Variants in RAPGEF6 observed in about 807,000 individuals in gnomAD.
RAPGEF6 encodes the protein PDZ domain containing guanine nucleotide exchange factor (GEF) 2.
A neutral mutation model predicts 171.4 loss-of-function variants in RAPGEF6; 56 were observed. The ratio of observed to expected loss-of-function variants is 0.33; its 90% CI spans 0.26 to 0.41. The LOEUF (loss-of-function observed/expected upper bound fraction) is 0.41, where lower values mean the gene tolerates loss of function less well. Ranked by LOEUF, RAPGEF6 falls within the 10% of genes least tolerant of loss-of-function variation. The pLI is 1.00. For missense variants in RAPGEF6, 1,674 were observed against 1,921.4 expected, an observed-to-expected ratio of 0.87 and a Z score of 2.41; for synonymous variants, 692 against 650.1, an observed-to-expected ratio of 1.06 and a Z score of -0.98.
Position 131,446,595 on chromosome 5 carries a change from C to T in RAPGEF6, c.3309G>A (p.Glu1103=), listed in dbSNP as rs760109821. The change falls in exon 22 of 28, where the codon GAG becomes GAA. Residue 1103 remains glutamate, a synonymous_variant. Coordinates refer to ENST00000509018, the MANE Select transcript of RAPGEF6 (RefSeq NM_016340.6). ...TCACCTTCCTTGCCATTTGGGCATC[C>T]TCATATAGCTTCTTGGCATTAAGCA... The part of the protein sequence containing the change: ...SSLLNAKKLY[E]DAQMARKVKQ... The T allele has an allele frequency of 6.2e-7, 1 of 1,614,204 alleles. No individual in the cohort carries two copies. Among genetic ancestry groups the T allele is most frequent in the South Asian group, 1.1e-5 (1 of 91,086 alleles).
chr5:131,436,479 T>C (rs1193299599), intron 24 of RAPGEF6: 2 of 1,137,010 alleles, frequency 1.8e-6, no homozygotes, highest in Non-Finnish European at 2.4e-6. Flanking sequence ...CTTGATAATA[T>C]CTGAAAAATT....
At chr5:131,555,246 C>T (rs1240884949) in intron 5 of RAPGEF6, among the ~76,000 whole-genome samples, 1 of 152,124 alleles carries the variant, frequency 6.6e-6, no homozygotes, top group East Asian at 1.9e-4. Flanking sequence ...GGTTTGTTAT[C>T]CTTTTAGAGG....
At chr5:131,432,723 A>G (rs1267361380) in intron 25 of RAPGEF6, among the ~76,000 whole-genome samples, 1 of 152,120 alleles carries the variant, frequency 6.6e-6, no homozygotes, top group Non-Finnish European at 1.5e-5. Context: ...ATAGCAGAGT[A>G]GTTGTGACAG....
intron 1 of RAPGEF6, among the ~76,000 whole-genome samples, chr5:131,610,534 T>C (rs4706028): frequency 0.76 from 115,366 of 152,096 alleles, 44,010 homozygotes; most frequent in Middle Eastern, 0.81. Context: ...TGTAAACGGA[T>C]ATATATCCCA....
At chr5:131,466,995 T>C (rs1229205316) in intron 17 of RAPGEF6, among the ~76,000 whole-genome samples, 1 of 152,230 alleles carries the variant, frequency 6.6e-6, no homozygotes, top group Admixed American at 6.5e-5. Context: ...GGCTCCAGAA[T>C]TGAATCATTT....
At chr5:131,499,024 G>C (rs1339754459) in intron 11 of RAPGEF6, among the ~76,000 whole-genome samples, 1 of 151,898 alleles carries the variant, frequency 6.6e-6, no homozygotes, top group Non-Finnish European at 1.5e-5. Flanking sequence ...GGAATGAAAG[G>C]GAAGAAAGAA....
intron 17 of RAPGEF6, among the ~76,000 whole-genome samples, chr5:131,466,791 C>T (rs938339659): frequency 4.6e-5 from 7 of 152,132 alleles, no homozygotes; most frequent in East Asian, 1.9e-4. Flanking sequence ...AGCATGAAAA[C>T]GGACTAATAT....
At chr5:131,536,683 G>A (rs1470274342) in intron 6 of RAPGEF6, among the ~76,000 whole-genome samples, 11 of 152,110 alleles carry the variant, frequency 7.2e-5, no homozygotes, top group Admixed American at 7.2e-4. Flanking sequence ...ATTAGAATCA[G>A]TGAAATTGAA....
rs549773305 is a variant in RAPGEF6 at position 131,454,348 on chromosome 5, G to A, written c.3077-1171C>T. ...GGAGATATGGAACATCATTCAAAAAGCGAGATTATTTCTGTAATCTCACTT... is the reference window on the plus strand; with the variant it reads ...GGAGATATGGAACATCATTCAAAAAACGAGATTATTTCTGTAATCTCACTT... On this transcript the variant is annotated intron_variant, in intron 20 of 27. Transcript: ENST00000509018. Among the ~76,000 whole-genome samples, 51 of 152,258 alleles carry A rather than the reference G, an allele frequency of 3.3e-4. No homozygotes were observed. The South Asian group carries it at 0.01, about 30-fold the overall frequency.
chr5:131,603,928 G>A (rs532717172), intron 2 of RAPGEF6, among the ~76,000 whole-genome samples: 101 of 152,110 alleles, frequency 6.6e-4, no homozygotes, highest in Admixed American at 2.7e-3. Flanking sequence ...TAAGCTGTTC[G>A]TGGTGGGAAC....
intron 1 of RAPGEF6, among the ~76,000 whole-genome samples, chr5:131,627,928 G>A (rs576076177): frequency 6.6e-6 from 1 of 152,150 alleles, no homozygotes; most frequent in South Asian, 2.1e-4. Flanking sequence ...AATTGTTTTG[G>A]GGCACCACAA....
chr5:131,521,891 A>ACACACACACT (rs1250904540), intron 6 of RAPGEF6, among the ~76,000 whole-genome samples: 33 of 123,650 alleles, frequency 2.7e-4, no homozygotes, highest in African/African-American at 8.6e-4. Flanking sequence ...ACACACACAC[A>ACACACACACT]CTCTCTCTCT....
chr5:131,577,342 T>C (rs1445732992), intron 4 of RAPGEF6, among the ~76,000 whole-genome samples: 1 of 152,158 alleles, frequency 6.6e-6, no homozygotes, highest in Non-Finnish European at 1.5e-5. Context: ...AGCCTCCAAA[T>C]TAAAAAAGAC....
At chr5:131,471,602 A>G (rs1051239773) in intron 17 of RAPGEF6, among the ~76,000 whole-genome samples, 4 of 152,128 alleles carry the variant, frequency 2.6e-5, no homozygotes, top group Non-Finnish European at 4.4e-5. Context: ...GCTTAATTGT[A>G]TATGCCTTTT....
intron 21 of RAPGEF6, among the ~76,000 whole-genome samples, chr5:131,449,810 G>A (rs1043378686): frequency 6.6e-6 from 1 of 152,030 alleles, no homozygotes; most frequent in Non-Finnish European, 1.5e-5. Flanking sequence ...ATCTAAAAAG[G>A]ACTTATAGGG....
At chr5:131,439,452 G>C (rs1752237535) in intron 24 of RAPGEF6, 129 bp downstream of exon 24, 1 of 1,404,760 alleles carries the variant, frequency 7.1e-7, no homozygotes, top group Admixed American at 2.9e-5. Flanking sequence ...AAACATCAAA[G>C]TTCAAAAAGC....
chr5:131,542,641 C>T (rs1760231097), intron 6 of RAPGEF6, among the ~76,000 whole-genome samples: 2 of 152,120 alleles, frequency 1.3e-5, no homozygotes, highest in Admixed American at 6.5e-5. Flanking sequence ...TGCTTACAGG[C>T]ACATAAACAA....
At chr5:131,606,042 AAAAAAAAAAAAG>A (rs1561601185) in intron 1 of RAPGEF6, among the ~76,000 whole-genome samples, 7 of 147,214 alleles carry the variant, frequency 4.8e-5, no homozygotes, top group Middle Eastern at 3.4e-3. Flanking sequence ...AAAAAAAAAA[AAAAAAAAAAAAG>A]AAAAAGAAAA....
chr5:131,465,392 ATTAAAT>A (rs1195417534), intron 17 of RAPGEF6, among the ~76,000 whole-genome samples: 1 of 152,180 alleles, frequency 6.6e-6, no homozygotes, highest in Non-Finnish European at 1.5e-5. Flanking sequence ...ATTTAATATA[ATTAAAT>A]TTAAGTGAAA....
Sources: allele counts gnomAD v4.1 joint callset (sites outside exome capture counted in the v4.1 genomes callset), GRCh38; gene constraint gnomAD v4.1.1; transcripts MANE v1.5; gene names NCBI Gene and HGNC (gene_info 2026-07-23, HGNC 2026-07-21).